Variants in PTPRZ1 observed in about 807,000 individuals in gnomAD.
PTPRZ1 encodes receptor-type tyrosine-protein phosphatase zeta.
In PTPRZ1, 82 loss-of-function variants were observed where a neutral mutation model predicts 214.1. The ratio of observed to expected loss-of-function variants is 0.38; its 90% confidence interval spans 0.32 to 0.46. PTPRZ1 has a LOEUF of 0.46. Ranked by LOEUF, PTPRZ1 falls within the 20% of genes least tolerant of loss-of-function variation. The pLI, the probability that PTPRZ1 is intolerant of heterozygous loss-of-function variation, is 1.00. For missense variants in PTPRZ1, 2,603 were observed against 2,748.7 expected (o/e 0.95, Z 1.19); for synonymous variants, 945 against 987.9 (o/e 0.96, Z 0.81).
chr7:121,905,379 G>A (rs771943061), intron 1 of PTPRZ1, among the ~76,000 whole-genome samples: 1 of 152,088 alleles, frequency 6.6e-6, no homozygotes, highest in Non-Finnish European at 1.5e-5. Context: ...CAAAGGAGAC[G>A]AGGAGAGTCA....
At chr7:122,017,718 C>T (rs1273698187) in intron 12 of PTPRZ1, among the ~76,000 whole-genome samples, 2 of 151,736 alleles carry the variant, frequency 1.3e-5, no homozygotes, top group African/African-American at 2.4e-5. Flanking sequence ...TGCACCACCA[C>T]GCCTGGCTAA....
chr7:122,053,376 G>A (rs911448729), intron 25 of PTPRZ1, among the ~76,000 whole-genome samples: 3 of 152,174 alleles, frequency 2.0e-5, no homozygotes, highest in Admixed American at 6.6e-5. Context: ...TAGTGAAATG[G>A]TCACTATGGA....
chr7:121,912,782 A>C (rs1795316217), intron 1 of PTPRZ1, among the ~76,000 whole-genome samples: 1 of 152,106 alleles, frequency 6.6e-6, no homozygotes, highest in South Asian at 2.1e-4. Flanking sequence ...AAAGGTGAAG[A>C]GGAGGGAACT....
intron 1 of PTPRZ1, among the ~76,000 whole-genome samples, chr7:121,894,960 G>C (rs949122484): frequency 6.6e-6 from 1 of 152,228 alleles, no homozygotes; most frequent in Non-Finnish European, 1.5e-5. Flanking sequence ...ATCATAGTTA[G>C]TTCTTACTTG....
intron 8 of PTPRZ1, among the ~76,000 whole-genome samples, chr7:121,985,349 A>AT (rs961577755): frequency 2.6e-5 from 4 of 152,204 alleles, no homozygotes; most frequent in South Asian, 2.1e-4. Flanking sequence ...AATAAATATG[A>AT]TTTTTTTGTC....
chr7:121,963,995 T>C (rs577133186), intron 2 of PTPRZ1, among the ~76,000 whole-genome samples: 2 of 152,290 alleles, frequency 1.3e-5, no homozygotes, highest in South Asian at 2.1e-4. Flanking sequence ...AAAAGTTTAG[T>C]AGGGACTACT....
At chr7:122,033,631 A>C (rs1799450849) in intron 15 of PTPRZ1, among the ~76,000 whole-genome samples, 2 of 152,074 alleles carry the variant, frequency 1.3e-5, no homozygotes, top group South Asian at 4.1e-4. Context: ...GATAGCCTTA[A>C]ATCTGTTACA....
intron 11 of PTPRZ1, among the ~76,000 whole-genome samples, chr7:122,005,422 A>G (rs1798456481): frequency 6.6e-6 from 1 of 151,920 alleles, no homozygotes. Flanking sequence ...GAGCTGATAA[A>G]AGTGTGACAA....
chr7:121,956,302 A>G (rs1796701852), intron 2 of PTPRZ1, among the ~76,000 whole-genome samples: 1 of 152,298 alleles, frequency 6.6e-6, no homozygotes, highest in South Asian at 2.1e-4. Flanking sequence ...CACTTTCCAT[A>G]AACAATCCTG....
At position 122,042,884 on chromosome 7, in the gene PTPRZ1, G is replaced by C. The variant is rs915708441; in HGVS notation, c.5937+141G>C. On this transcript the variant is annotated intron_variant, in intron 22 of 29. Transcript: ENST00000393386. ...AACAACAGAAGTTTATTGTCTCATA[G>C]TTCTGATGTCTGTAGGCCCATGCCC... The C allele has an allele frequency of 1.1e-5, 10 of 882,876 alleles. No homozygotes were observed. The South Asian group carries it at 1.7e-4, about 15-fold the overall frequency. 54.7% of individuals were successfully genotyped at this position (882,876 alleles called of 1,614,324 possible). A position where few individuals can be genotyped will look rare whatever the true frequency, so the allele number is the denominator to read the frequency against.
At chr7:121,967,867 A>G (rs1313997992) in intron 2 of PTPRZ1, 84 bp from the exon 3 acceptor site, 5 of 930,912 alleles carry the variant, frequency 5.4e-6, no homozygotes, top group African/African-American at 5.2e-5. Context: ...ATCTATTTTT[A>G]TGTAATGTAT....
At chr7:121,906,951 A>T (rs1314016115) in intron 1 of PTPRZ1, among the ~76,000 whole-genome samples, 1 of 151,972 alleles carries the variant, frequency 6.6e-6, no homozygotes, top group Non-Finnish European at 1.5e-5. Context: ...GTATACTTAT[A>T]TATTATGTTT....
intron 4 of PTPRZ1, among the ~76,000 whole-genome samples, chr7:121,975,535 G>A (rs754920566): frequency 1.8e-4 from 28 of 152,244 alleles, no homozygotes; most frequent in Non-Finnish European, 3.2e-4. Context: ...TCAGAGCACT[G>A]ACTATGCTTT....
At chr7:121,978,371 A>G (rs1002771175) in intron 6 of PTPRZ1, among the ~76,000 whole-genome samples, 2 of 152,162 alleles carry the variant, frequency 1.3e-5, no homozygotes, top group Non-Finnish European at 2.9e-5. Flanking sequence ...AGTGATGTGT[A>G]AAAGAAAGAG....
At chr7:121,909,585 A>G (rs1003358345) in intron 1 of PTPRZ1, among the ~76,000 whole-genome samples, 1 of 152,200 alleles carries the variant, frequency 6.6e-6, no homozygotes, top group Non-Finnish European at 1.5e-5. Flanking sequence ...AAAGTCGAGT[A>G]GAAAGTATAA....
At chr7:122,028,973 A>G (rs1443815424) in intron 14 of PTPRZ1, among the ~76,000 whole-genome samples, 1 of 152,070 alleles carries the variant, frequency 6.6e-6, no homozygotes, top group Non-Finnish European at 1.5e-5. Flanking sequence ...TATTATGTTA[A>G]TGGAAACCCA....
intron 11 of PTPRZ1, among the ~76,000 whole-genome samples, chr7:122,007,943 C>A (rs1798541472): frequency 6.6e-6 from 1 of 152,074 alleles, no homozygotes; most frequent in Non-Finnish European, 1.5e-5. Flanking sequence ...TTACAGCGAT[C>A]AACAAGATAT....
intron 29 of PTPRZ1, among the ~76,000 whole-genome samples, chr7:122,060,225 A>G (rs1295071956): frequency 1.3e-5 from 2 of 152,176 alleles, no homozygotes; most frequent in African/African-American, 4.8e-5. Flanking sequence ...TCAAAGCTCC[A>G]GCCTAGACCA....
intron 1 of PTPRZ1, among the ~76,000 whole-genome samples, chr7:121,893,533 A>G (rs988826107): frequency 6.6e-6 from 1 of 152,246 alleles, no homozygotes; most frequent in Non-Finnish European, 1.5e-5. Context: ...GATACAATGC[A>G]GAAATTGCAC....
Sources: allele counts gnomAD v4.1 joint callset (sites outside exome capture counted in the v4.1 genomes callset), GRCh38; gene constraint gnomAD v4.1.1; transcripts MANE v1.5; gene names NCBI Gene and HGNC (gene_info 2026-07-23, HGNC 2026-07-21).